TRPM3: variants seen among roughly 807,000 people sequenced by gnomAD.
TRPM3 encodes the protein transient receptor potential cation channel subfamily M member 3.
Under a neutral mutation model 181.2 loss-of-function variants are expected in TRPM3, and 77 were observed. The observed-to-expected ratio is 0.42, with a 90% CI of 0.35 to 0.51. The LOEUF (loss-of-function observed/expected upper bound fraction) is 0.51, where lower values mean the gene tolerates loss of function less well. Ranked by LOEUF, TRPM3 falls within the 20% of genes least tolerant of loss-of-function variation. The pLI is 0.01. For synonymous variants in TRPM3, 745 were observed against 796.4 expected, an observed-to-expected ratio of 0.94 and a Z score of 1.09; for missense variants, 1,759 against 2,196.7, an observed-to-expected ratio of 0.80 and a Z score of 3.98.
chr9:70,584,164 C>T (rs749963145), intron 22 of TRPM3, among the ~76,000 whole-genome samples: 10 of 152,204 alleles, frequency 6.6e-5, no homozygotes, highest in East Asian at 1.9e-4. Context: ...CTCAGCCTCC[C>T]GAAATGCATG....
At chr9:70,987,596 A>G (rs2097434296) in intron 1 of TRPM3, among the ~76,000 whole-genome samples, 1 of 152,112 alleles carries the variant, frequency 6.6e-6, no homozygotes, top group South Asian at 2.1e-4. Context: ...GCACCAACCT[A>G]ATAGAACTTG....
chr9:70,739,861 G>T (rs1194977656), intron 8 of TRPM3, among the ~76,000 whole-genome samples: 1 of 152,048 alleles, frequency 6.6e-6, no homozygotes, highest in Non-Finnish European at 1.5e-5. Flanking sequence ...CAAGTGATCT[G>T]CCCGTCTTGG....
At chr9:71,364,964 C>A (rs1263638070) in intron 1 of TRPM3, among the ~76,000 whole-genome samples, 3 of 152,132 alleles carry the variant, frequency 2.0e-5, no homozygotes, top group Non-Finnish European at 4.4e-5. Flanking sequence ...TCTCATTTCT[C>A]ACTAGAATCT....
chr9:70,741,353 C>T (rs1373858590), intron 8 of TRPM3, among the ~76,000 whole-genome samples: 1 of 152,160 alleles, frequency 6.6e-6, no homozygotes, highest in African/African-American at 2.4e-5. Context: ...ACTCTTAACA[C>T]TGTTTTAACA....
intron 22 of TRPM3, among the ~76,000 whole-genome samples, chr9:70,583,268 C>T (rs990420377): frequency 6.6e-6 from 1 of 152,216 alleles, no homozygotes; most frequent in African/African-American, 2.4e-5. Flanking sequence ...TGAGTCTGCA[C>T]ATACACGTGA....
chr9:71,152,168 A>G (rs2075771166), intron 1 of TRPM3, among the ~76,000 whole-genome samples: 1 of 152,184 alleles, frequency 6.6e-6, no homozygotes, highest in Non-Finnish European at 1.5e-5. Flanking sequence ...ATCACCTTCA[A>G]CTTGCTCTGT....
intron 8 of TRPM3, among the ~76,000 whole-genome samples, chr9:70,698,660 C>T (rs566136823): frequency 1.3e-5 from 2 of 152,072 alleles, no homozygotes; most frequent in Non-Finnish European, 2.9e-5. Flanking sequence ...TTGTAATCCC[C>T]GGTGTTGGAG....
At chr9:70,585,865 G>T (rs2057027209) in intron 22 of TRPM3, among the ~76,000 whole-genome samples, 1 of 152,116 alleles carries the variant, frequency 6.6e-6, no homozygotes, top group African/African-American at 2.4e-5. Flanking sequence ...GTACTATTCT[G>T]AGCATGGAGT....
At chr9:70,751,337 G>A (rs906919516) in intron 8 of TRPM3, among the ~76,000 whole-genome samples, 1 of 152,042 alleles carries the variant, frequency 6.6e-6, no homozygotes, top group African/African-American at 2.4e-5. Flanking sequence ...AATAAACAAA[G>A]TCTCTGAATA....
intron 8 of TRPM3, among the ~76,000 whole-genome samples, chr9:70,745,648 G>A (rs957740182): frequency 4.6e-5 from 7 of 152,140 alleles, no homozygotes. Context: ...GCCATTTGGT[G>A]TAAAAAAGTC....
At chr9:71,180,463 G>A (rs1055007313) in intron 1 of TRPM3, among the ~76,000 whole-genome samples, 2 of 152,092 alleles carry the variant, frequency 1.3e-5, no homozygotes, top group South Asian at 4.1e-4. Flanking sequence ...CCATTTTTAG[G>A]AGGAAGCCTG....
intron 18 of TRPM3, among the ~76,000 whole-genome samples, chr9:70,615,643 T>C (rs1005857318): frequency 8.5e-5 from 13 of 152,272 alleles, no homozygotes; most frequent in African/African-American, 2.9e-4. Context: ...AAATGTAGAG[T>C]GTCTTGCTTT....
At chr9:70,950,944 A>G (rs1385721653) in intron 1 of TRPM3, among the ~76,000 whole-genome samples, 1 of 152,136 alleles carries the variant, frequency 6.6e-6, no homozygotes, top group Non-Finnish European at 1.5e-5. Context: ...ATGCTTTAAT[A>G]AATAATTATG....
chr9:70,552,691 C>G (rs1200499354), intron 24 of TRPM3, among the ~76,000 whole-genome samples, 153 bp downstream of exon 24: 1 of 152,150 alleles, frequency 6.6e-6, no homozygotes, highest in East Asian at 1.9e-4. Flanking sequence ...CAAGTCAACT[C>G]CCTCATCCCC....
chr9:70,877,123 G>C (rs1232556032), intron 1 of TRPM3, among the ~76,000 whole-genome samples: 1 of 151,844 alleles, frequency 6.6e-6, no homozygotes, highest in Non-Finnish European at 1.5e-5. Context: ...TGACGAATTA[G>C]CTCATGGCAT....
At chr9:71,037,727 A>G (rs1455383721) in intron 1 of TRPM3, among the ~76,000 whole-genome samples, 2 of 152,238 alleles carry the variant, frequency 1.3e-5, no homozygotes, top group Non-Finnish European at 2.9e-5. Flanking sequence ...CCACTCAATG[A>G]AATGTATCAC....
intron 1 of TRPM3, among the ~76,000 whole-genome samples, chr9:71,269,060 G>C (rs1421050160): frequency 6.6e-6 from 1 of 152,158 alleles, no homozygotes; most frequent in Non-Finnish European, 1.5e-5. Context: ...GGCAGAGGTA[G>C]CGAGTGAACC....
chr9:71,358,159 CTT>C (rs2091986188), intron 1 of TRPM3, among the ~76,000 whole-genome samples: 1 of 152,128 alleles, frequency 6.6e-6, no homozygotes, highest in African/African-American at 2.4e-5. Context: ...TCAGATTTTA[CTT>C]TTGGCAAAAT....
intron 7 of TRPM3, among the ~76,000 whole-genome samples, chr9:70,763,768 G>T (rs2078592903): frequency 6.6e-6 from 1 of 152,168 alleles, no homozygotes; most frequent in South Asian, 2.1e-4. Flanking sequence ...GGAGTAGAAA[G>T]ATGTGAATCA....
Sources: gnomAD v4.1 joint callset for allele counts (sites outside exome capture counted in the v4.1 genomes callset) on GRCh38, gnomAD v4.1.1 for gene constraint, MANE v1.5 for transcripts, NCBI Gene and HGNC (gene_info 2026-07-23, HGNC 2026-07-21) for gene names.